FKBP9: variants seen among roughly 807,000 people sequenced by gnomAD.
FKBP9 encodes peptidyl-prolyl cis-trans isomerase FKBP9.
A neutral mutation model predicts 55.6 loss-of-function variants in FKBP9; 27 were observed. The observed-to-expected ratio is 0.49, with a 90% CI of 0.36 to 0.67. FKBP9 has a LOEUF of 0.67. FKBP9 is among the 30% of genes least tolerant of loss of function. The pLI is 0.00. For synonymous variants in FKBP9, 267 were observed against 296.5 expected, an observed-to-expected ratio of 0.90 and a Z score of 1.02; for missense variants, 539 against 742.8, an observed-to-expected ratio of 0.73 and a Z score of 3.19.
At chr7:33,004,366 A>C (rs1445295871) in intron 9 of FKBP9, among the ~76,000 whole-genome samples, 3 of 151,398 alleles carry the variant, frequency 2.0e-5, no homozygotes, top group Admixed American at 2.0e-4. Flanking sequence ...GCTCGCTGTA[A>C]CCTCTTTGCC....
At chr7:32,974,361 ATTTT>A (rs5883378) in intron 1 of FKBP9, among the ~76,000 whole-genome samples, 1 of 145,366 alleles carries the variant, frequency 6.9e-6, no homozygotes, top group Non-Finnish European at 1.5e-5. Context: ...AGTTTAACAC[ATTTT>A]TTTTTTTTTT....
rs773337746 is a variant in FKBP9 at position 32,957,771 on chromosome 7, C to A, written c.198C>A (p.Pro66=). Residue 66 remains proline, a synonymous_variant, in exon 1 of 10, where the codon CCC becomes CCA. Coordinates refer to ENST00000242209, the MANE Select transcript of FKBP9 (RefSeq NM_007270.5). ...GCTACCACTACGTGGGGACGTTCCC[C>A]GACGGCCAGAAGTTCGACTCCAGGT... ...FVRYHYVGTF[P]DGQKFDSSYD... 1.8e-5 allele frequency: 27 copies of A among 1,462,160 alleles called. No individual in the cohort carries two copies. The highest frequency in any genetic ancestry group is 2.7e-6 in the Non-Finnish European group (3 of 1,109,172). The allele number at this position is 1,462,160 out of a possible 1,614,324, so 90.6% of individuals were successfully genotyped here.
At chr7:32,971,637 T>A (rs1249048659) in intron 1 of FKBP9, among the ~76,000 whole-genome samples, 1 of 152,186 alleles carries the variant, frequency 6.6e-6, no homozygotes, top group Non-Finnish European at 1.5e-5. Context: ...CATACCGCCA[T>A]GCTCAGCTAA....
intron 6 of FKBP9, among the ~76,000 whole-genome samples, chr7:32,989,995 A>T (rs1350965355): frequency 1.4e-5 from 2 of 146,278 alleles, no homozygotes; most frequent in African/African-American, 2.5e-5. Flanking sequence ...TTCAAAAGCA[A>T]TTTTTTTTTT....
intron 1 of FKBP9, among the ~76,000 whole-genome samples, chr7:32,968,088 G>A (rs1304952986): frequency 6.6e-6 from 1 of 152,102 alleles, no homozygotes; most frequent in Non-Finnish European, 1.5e-5. Flanking sequence ...GCCCAGGGTC[G>A]AGTGCAGTGG....
In FKBP9 at chr7:33,005,348, C is replaced by G. The variant is rs751439419; in HGVS notation, c.1710C>G (p.Leu570=). 3 of 1,614,044 alleles carry G rather than the reference C, an allele frequency of 1.9e-6. No homozygotes were observed. The highest frequency in any genetic ancestry group is 1.3e-5 in the African/African-American group (1 of 74,932). Residue 570 remains leucine, a synonymous_variant, in exon 10 of 10, where the codon CTC becomes CTG. Transcript: ENST00000242209. ...LKDQEAKHDE[L] is the part of the protein sequence containing the mutation. ...ACCAGGAAGCCAAACACGATGAACT[C>G]TAAACCTGGCATGAACCAGATGGTG...
At chr7:32,959,116 A>C (rs895386334) in intron 1 of FKBP9, among the ~76,000 whole-genome samples, 5 of 152,232 alleles carry the variant, frequency 3.3e-5, no homozygotes, top group Admixed American at 3.3e-4. Context: ...TAAAAAAAAA[A>C]AACAACAGGC....
intron 6 of FKBP9, among the ~76,000 whole-genome samples, chr7:32,995,673 G>T (rs1289365882): frequency 6.6e-6 from 1 of 152,160 alleles, no homozygotes; most frequent in Non-Finnish European, 1.5e-5. Flanking sequence ...GCCAATTTTG[G>T]GGGAGAGGTG....
chr7:33,006,309 G>A lies in FKBP9; in HGVS notation c.*958G>A, dbSNP rs533662754. Reference sequence around the variant, plus strand: ...ATTTTTGTATTTTTAGTAGAGACGGGGTTTCACTGTGTTGGCCAGGATGGT... The same window carrying A: ...ATTTTTGTATTTTTAGTAGAGACGGAGTTTCACTGTGTTGGCCAGGATGGT... On this transcript the variant is annotated 3_prime_UTR_variant, in exon 10 of 10. Coordinates refer to ENST00000242209, the MANE Select transcript of FKBP9 (RefSeq NM_007270.5). The A allele has an allele frequency of 4.2e-5, 8 of 190,064 alleles. No homozygotes were observed. Among genetic ancestry groups the A allele is most frequent in the African/African-American group, 1.9e-4 (8 of 42,990 alleles). 11.8% of individuals were successfully genotyped at this position (190,064 alleles called of 1,614,324 possible).
intron 2 of FKBP9, 45 bp from the exon 3 acceptor site, chr7:32,975,137 G>C (rs375180462): frequency 2.6e-6 from 4 of 1,531,422 alleles, no homozygotes; most frequent in African/African-American, 2.7e-5. Context: ...TATCTGGCCT[G>C]AAAGGCAGCA....
chr7:32,979,356 G>A, intron 4 of FKBP9: 1 of 638,724 alleles, frequency 1.6e-6, no homozygotes, highest in Non-Finnish European at 2.8e-6. Context: ...ATACAGTAAG[G>A]CACAAAAGAT....
At chr7:32,969,834 C>T (rs1784219259) in intron 1 of FKBP9, among the ~76,000 whole-genome samples, 1 of 151,884 alleles carries the variant, frequency 6.6e-6, no homozygotes, top group South Asian at 2.1e-4. Context: ...GAAGCCCTGT[C>T]TCTACTAAAA....
At chr7:33,004,198 G>A (rs567315015) in intron 9 of FKBP9, among the ~76,000 whole-genome samples, 2 of 151,934 alleles carry the variant, frequency 1.3e-5, no homozygotes, top group South Asian at 2.1e-4. Context: ...ATCTTAGCCC[G>A]GGGCCTGTCA....
intron 1 of FKBP9, among the ~76,000 whole-genome samples, chr7:32,958,951 C>A (rs1325971098): frequency 2.6e-5 from 4 of 152,168 alleles, no homozygotes; most frequent in Non-Finnish European, 5.9e-5. Context: ...TGAGCCCCTG[C>A]TATGTGCCCC....
At chr7:32,998,314 G>A (rs1466665875) in intron 7 of FKBP9, among the ~76,000 whole-genome samples, 7 of 152,100 alleles carry the variant, frequency 4.6e-5, no homozygotes, top group Non-Finnish European at 8.8e-5. Flanking sequence ...ATTCCTGTCC[G>A]CTGATCCTGA....
At chr7:32,962,374 A>G (rs1444737296) in intron 1 of FKBP9, among the ~76,000 whole-genome samples, 1 of 152,226 alleles carries the variant, frequency 6.6e-6, no homozygotes. Flanking sequence ...AGCCTGGGCA[A>G]CGAGAGCTAA....
At position 33,000,106 on chromosome 7, in the gene FKBP9, T is replaced by C. The variant is rs1460197157; in HGVS notation, c.1227-9T>C. 6.2e-7 allele frequency: 1 copy of C among 1,614,032 alleles called. No homozygotes were observed. Among genetic ancestry groups the C allele is most frequent in the African/African-American group, 1.3e-5 (1 of 74,928 alleles). ...TGACCTAACATGAGGCTCTTCTGTT[T>C]CATTTTAGGTGGAATTTAGGCAAAA... On this transcript the variant is annotated splice_polypyrimidine_tract_variant and intron_variant, in intron 7 of 9. Coordinates refer to ENST00000242209, the MANE Select transcript of FKBP9 (RefSeq NM_007270.5).
intron 5 of FKBP9, among the ~76,000 whole-genome samples, chr7:32,984,258 G>A (rs1035981303): frequency 6.8e-6 from 1 of 148,146 alleles, no homozygotes; most frequent in Non-Finnish European, 1.5e-5. Context: ...TTTTGAGACA[G>A]AGTCTCACTC....
chr7:32,973,374 T>C (rs1008226747), intron 1 of FKBP9, among the ~76,000 whole-genome samples: 1 of 152,170 alleles, frequency 6.6e-6, no homozygotes, highest in Admixed American at 6.5e-5. Flanking sequence ...ATACTTTCTA[T>C]TACCTGTGAT....
Sources: allele counts gnomAD v4.1 joint callset (sites outside exome capture counted in the v4.1 genomes callset), GRCh38; gene constraint gnomAD v4.1.1; transcripts MANE v1.5; gene names NCBI Gene and HGNC (gene_info 2026-07-23, HGNC 2026-07-21).